Variants in HAPLN2 observed in about 807,000 individuals in gnomAD.
HAPLN2 encodes the protein hyaluronan and proteoglycan link protein 2, also known as brain link protein-1.
Under a neutral mutation model 29.3 loss-of-function variants are expected in HAPLN2, and 27 were observed. The ratio of observed to expected loss-of-function variants is 0.92; its 90% CI spans 0.68 to 1.27. HAPLN2 has a LOEUF of 1.27. Among genes scored for constraint, HAPLN2 ranks in the 50% most tolerant of loss-of-function variants. The pLI, the probability that HAPLN2 is intolerant of heterozygous loss-of-function variation, is 0.00. For synonymous variants in HAPLN2, 208 were observed against 211.7 expected (o/e 0.98, Z 0.15); for missense variants, 454 against 484.3 (o/e 0.94, Z 0.59).
At chr1:156,623,649 A>T in intron 3 of HAPLN2, 74 bp downstream of exon 3, 1 of 1,588,914 alleles carries the variant, frequency 6.3e-7, no homozygotes, top group South Asian at 1.1e-5. Context: ...GGGAAAGGGC[A>T]GTTGTTGCAG....
At position 156,624,016 on chromosome 1, in the gene HAPLN2, G is replaced by A; in HGVS notation, c.295G>A (p.Gly99Arg). 3 of 1,611,294 alleles carry A rather than the reference G, an allele frequency of 1.9e-6. No homozygotes were observed. Among genetic ancestry groups the A allele is most frequent in the Non-Finnish European group, 2.5e-6 (3 of 1,178,878 alleles). Residue 99 changes from glycine to arginine, a missense_variant, in exon 4 of 7, where the codon GGG becomes AGG. By Grantham distance (125) the Gly-to-Arg change is moderately radical (BLOSUM62 -2). This residue lies in a region of HAPLN2 where 204 missense variants were observed against 209.2 expected (regional missense o/e 0.98). Transcript: ENST00000255039. ...LHARGYGPLG[G>R]RARMRRGHRL... The stretch of plus-strand genomic sequence containing the variant: ...CGCCCGGGGGTATGGGCCCCTGGGA[G>A]GGCGCGCCAGGATGCGGAGGGGGCA...
chr1:156,601,760 G>A, the HAPLN2 span, among the ~76,000 whole-genome samples: 2 of 152,154 alleles, frequency 1.3e-5, no homozygotes, highest in African/African-American at 2.4e-5. Flanking sequence ...GCGCAAATAC[G>A]AGGAAGGAAA....
chr1:156,604,143 A>T, the HAPLN2 span, among the ~76,000 whole-genome samples: 1 of 152,220 alleles, frequency 6.6e-6, no homozygotes, highest in Non-Finnish European at 1.5e-5. Context: ...AGATAACAAG[A>T]TGCATAGAAA....
At chr1:156,622,387 G>A (rs1475819399) in intron 2 of HAPLN2, among the ~76,000 whole-genome samples, 2 of 151,984 alleles carry the variant, frequency 1.3e-5, no homozygotes, top group African/African-American at 4.8e-5. Context: ...CTGGGAGGGC[G>A]AGGCTGCAGT....
chr1:156,607,113 C>T, the HAPLN2 span, among the ~76,000 whole-genome samples: 1 of 152,200 alleles, frequency 6.6e-6, no homozygotes, highest in Non-Finnish European at 1.5e-5. Flanking sequence ...TCTGCCTTAC[C>T]ATGCTTTGAC....
the HAPLN2 span, among the ~76,000 whole-genome samples, chr1:156,605,080 A>G: frequency 6.6e-6 from 1 of 152,058 alleles, no homozygotes; most frequent in Non-Finnish European, 1.5e-5. Context: ...AGCCTGGCCA[A>G]TATGGTGAAA....
the HAPLN2 span, among the ~76,000 whole-genome samples, chr1:156,602,858 G>C: frequency 6.6e-6 from 1 of 152,132 alleles, no homozygotes; most frequent in African/African-American, 2.4e-5. Flanking sequence ...ACTAAAACCC[G>C]AGAAAAGTAT....
chr1:156,602,649 TGA>T, the HAPLN2 span, among the ~76,000 whole-genome samples: 1 of 110,122 alleles, frequency 9.1e-6, no homozygotes, highest in Non-Finnish European at 1.8e-5. Flanking sequence ...GCTGTGGGAG[TGA>T]GGGGAGGGCG....
chr1:156,614,868 A>G (rs756553001), upstream of HAPLN2: 17 of 152,268 alleles, frequency 1.1e-4, no homozygotes, highest in Non-Finnish European at 1.6e-4. Context: ...ATGATTATTA[A>G]TAAGTAAAAT....
At chr1:156,624,550 G>T in intron 5 of HAPLN2, 51 bp from the exon 6 acceptor site, 1 of 1,603,838 alleles carries the variant, frequency 6.2e-7, no homozygotes. Context: ...AGCTCAGTCT[G>T]GCTCCTGCCT....
In HAPLN2 at chr1:156,623,966, T is replaced by A. The variant is rs761820350; in HGVS notation, c.245T>A (p.Leu82Gln). ...KVEPGELRET[L>Q]ILITNGLHAR... ...GAGCCTGGGGAGCTCCGGGAAACGC[T>A]GATCCTCATCACCAACGGACTGCAC... The change falls in exon 4 of 7, where the codon CTG becomes CAG. Residue 82 changes from leucine to glutamine, a missense_variant. Physicochemically the swap from Leu to Gln is moderately radical, Grantham distance 113 (BLOSUM62 -2). Around this residue, in one of 3 missense-constraint regions of HAPLN2, gnomAD observed 204 missense variants for 209.2 expected, o/e 0.98. Transcript: ENST00000255039. 1 of 1,608,450 alleles carries A rather than the reference T, an allele frequency of 6.2e-7. No homozygotes were observed. The highest frequency in any genetic ancestry group is 1.7e-5 in the Admixed American group (1 of 59,374).
the HAPLN2 span, among the ~76,000 whole-genome samples, chr1:156,603,006 T>C: frequency 4.6e-5 from 7 of 152,130 alleles, no homozygotes; most frequent in African/African-American, 1.7e-4. Context: ...CCATAATTTT[T>C]TCCATAAAAT....
chr1:156,624,972 C>T lies in HAPLN2; in HGVS notation c.740-129C>T, dbSNP rs1490966721. 2.4e-5 allele frequency: 27 copies of T among 1,124,252 alleles called. No homozygotes were observed. The Admixed American group carries it at 6.2e-4, about 26-fold the overall frequency. 69.6% of individuals were successfully genotyped at this position (1,124,252 alleles called of 1,614,324 possible). On this transcript the variant is annotated intron_variant, in intron 6 of 6. Coordinates refer to ENST00000255039, the MANE Select transcript of HAPLN2 (RefSeq NM_021817.3). ...ACCCTCCCTGCACTTTTGCCTCGATCCCCCAACTCCTCTTACCCAAGCTCG... is the reference window on the plus strand; with the variant it reads ...ACCCTCCCTGCACTTTTGCCTCGATTCCCCAACTCCTCTTACCCAAGCTCG...
At position 156,624,073 on chromosome 1, in the gene HAPLN2, G is replaced by T. The variant is rs572616194; in HGVS notation, c.352G>T (p.Val118Leu). 2.1e-5 allele frequency: 34 copies of T among 1,613,468 alleles called. No individual in the cohort carries two copies. The highest frequency in any genetic ancestry group is 2.7e-5 in the Non-Finnish European group (32 of 1,179,922). The change falls in exon 4 of 7, where the codon GTG becomes TTG. Residue 118 changes from valine to leucine, a missense_variant. Coordinates refer to ENST00000255039, the MANE Select transcript of HAPLN2 (RefSeq NM_021817.3). ...AGACGCCTCCCTGGTCATCGCGGGC[G>T]TGCGCCTGGAGGACGAGGGCCGGTA... ...RLDASLVIAG[V>L]RLEDEGRYRC...
the HAPLN2 span, among the ~76,000 whole-genome samples, chr1:156,608,877 C>CT: frequency 6.6e-6 from 1 of 152,018 alleles, no homozygotes; most frequent in Non-Finnish European, 1.5e-5. Context: ...ATTTGGGTTG[C>CT]TTTTTTATGT....
At chr1:156,602,218 G>C in the HAPLN2 span, among the ~76,000 whole-genome samples, 8,426 of 152,194 alleles carry the variant, frequency 0.055, 340 homozygotes, top group African/African-American at 0.11. Flanking sequence ...GGGATTACAG[G>C]CGTAAGCCAC....
the HAPLN2 span, among the ~76,000 whole-genome samples, chr1:156,611,354 C>T: frequency 6.6e-6 from 1 of 150,858 alleles, no homozygotes; most frequent in Non-Finnish European, 1.5e-5. Context: ...CCCTTGAGGT[C>T]AGGAGTTCAA....
intron 2 of HAPLN2, among the ~76,000 whole-genome samples, chr1:156,622,046 T>G (rs1158404105): frequency 6.6e-6 from 1 of 152,122 alleles, no homozygotes; most frequent in Non-Finnish European, 1.5e-5. Context: ...AAAAATAACT[T>G]TATAATTTTA....
At chr1:156,623,037 AAAATAAATAAAT>A (rs56280786) in intron 2 of HAPLN2, among the ~76,000 whole-genome samples, 1,345 of 111,428 alleles carry the variant, frequency 0.012, 57 homozygotes, top group African/African-American at 0.041. Flanking sequence ...CTGTCTCAAA[AAAATAAATAAAT>A]AAATAAATAA....
Sources: gnomAD v4.1 joint callset for allele counts (sites outside exome capture counted in the v4.1 genomes callset) on GRCh38, gnomAD v4.1.1 for gene constraint, gnomAD v4.1.1 regional missense constraint, MANE v1.5 for transcripts, NCBI Gene and HGNC (gene_info 2026-07-23, HGNC 2026-07-21) for gene names.